Variants in CMIP observed in about 807,000 individuals in gnomAD.
CMIP encodes the protein C-Maf-inducing protein.
CMIP carries 13 observed loss-of-function variants against 97.3 expected under a neutral mutation model. The ratio of observed to expected loss-of-function variants is 0.13; its 90% confidence interval spans 0.09 to 0.21. The LOEUF (loss-of-function observed/expected upper bound fraction) is 0.21. CMIP is among the 10% of genes least tolerant of loss of function. The pLI, the probability that CMIP is intolerant of heterozygous loss-of-function variation, is 1.00. For synonymous variants in CMIP, 538 were observed against 436.3 expected, an observed-to-expected ratio of 1.23 and a Z score of -2.91; for missense variants, 847 against 1,024.9, an observed-to-expected ratio of 0.83 and a Z score of 2.37.
chr16:81,678,222 T>C lies in CMIP; in HGVS notation c.1035-53T>C, dbSNP rs572817667. ...AGGCCTTTAGTCTGATGGGTCATGG[T>C]GCATCATGAACGGTGCCTGTACTCA... On this transcript the variant is annotated intron_variant, in intron 9 of 20. Coordinates refer to ENST00000537098, the MANE Select transcript of CMIP (RefSeq NM_198390.3). The C allele has an allele frequency of 2.9e-6, 4 of 1,365,688 alleles. No homozygotes were observed. The Admixed American group carries it at 8.9e-5, about 31-fold the overall frequency. The allele number at this position is 1,365,688 out of a possible 1,614,324, so 84.6% of individuals were successfully genotyped here. A position where few individuals can be genotyped will look rare whatever the true frequency, so the allele number is the denominator to read the frequency against.
chr16:81,690,113 G>A, intron 10 of CMIP, among the ~76,000 whole-genome samples: 1 of 152,114 alleles, frequency 6.6e-6, no homozygotes, highest in Non-Finnish European at 1.5e-5. Flanking sequence ...TGTTCTTTTG[G>A]CTTAGGATTG....
At chr16:81,664,047 G>A (rs1219007236) in intron 6 of CMIP, among the ~76,000 whole-genome samples, 1 of 152,118 alleles carries the variant, frequency 6.6e-6, no homozygotes, top group Non-Finnish European at 1.5e-5. Context: ...CGGGGGCAGG[G>A]GGTATCTGGG....
chr16:81,514,078 C>T (rs1343385948), intron 1 of CMIP, among the ~76,000 whole-genome samples: 1 of 152,186 alleles, frequency 6.6e-6, no homozygotes, highest in Non-Finnish European at 1.5e-5. Flanking sequence ...TTGTTGATGT[C>T]CAGTGAATCT....
At chr16:81,485,151 G>C (rs182078895) in intron 1 of CMIP, among the ~76,000 whole-genome samples, 1 of 152,222 alleles carries the variant, frequency 6.6e-6, no homozygotes, top group African/African-American at 2.4e-5. Flanking sequence ...GAATAGCTGT[G>C]GAGTATTCTA....
intron 1 of CMIP, among the ~76,000 whole-genome samples, chr16:81,567,664 G>A (rs1022170688): frequency 6.6e-6 from 1 of 152,174 alleles, no homozygotes; most frequent in Admixed American, 6.5e-5. Flanking sequence ...CTCACAGTAT[G>A]CCACGCCGCC....
chr16:81,524,844 A>T (rs1193398730), intron 1 of CMIP, among the ~76,000 whole-genome samples: 1 of 148,470 alleles, frequency 6.7e-6, no homozygotes, highest in Non-Finnish European at 1.5e-5. Context: ...CCCAGGCTGG[A>T]GTGCAGTGTT....
chr16:81,525,148 G>A (rs1450382086), intron 1 of CMIP, among the ~76,000 whole-genome samples: 2 of 148,858 alleles, frequency 1.3e-5, no homozygotes, highest in African/African-American at 5.0e-5. Context: ...TATTTTATTT[G>A]TTTATTTTTT....
At chr16:81,607,471 C>T (rs1171561218) in intron 1 of CMIP, 96 bp from the exon 2 acceptor site, 2 of 1,501,020 alleles carry the variant, frequency 1.3e-6, no homozygotes, top group Admixed American at 1.7e-5. Flanking sequence ...TTGCCTGTCG[C>T]CAGAGGGGCG....
intron 14 of CMIP, chr16:81,698,243 T>C (rs1906983970): frequency 6.6e-6 from 1 of 152,224 alleles, no homozygotes; most frequent in Admixed American, 6.5e-5. Context: ...TTTGCCATTG[T>C]GTGAAGTTGG....
intron 1 of CMIP, among the ~76,000 whole-genome samples, chr16:81,550,266 C>G (rs1049291813): frequency 1.3e-5 from 2 of 152,236 alleles, no homozygotes; most frequent in Non-Finnish European, 2.9e-5. Flanking sequence ...GAGCCTCAGT[C>G]TTCTCATCCG....
In CMIP at chr16:81,614,609, A is replaced by C. The variant is rs1358310976; in HGVS notation, c.427-6267A>C. Among the ~76,000 whole-genome samples, 2 of 152,090 alleles carry C rather than the reference A, an allele frequency of 1.3e-5. No individual in the cohort carries two copies. The highest frequency in any genetic ancestry group is 2.9e-5 in the Non-Finnish European group (2 of 68,022). ...GGGTCCTTAAGCCGTGGTCCATGGT[A>C]GATTCCAAAACTACCTGCACAGTCC... On this transcript the variant is annotated intron_variant, in intron 2 of 20. Transcript: ENST00000537098. The surrounding 1 kb of genome is among the most constrained non-coding windows in gnomAD (Gnocchi z 5.3).
At chr16:81,566,154 T>G (rs774979512) in intron 1 of CMIP, among the ~76,000 whole-genome samples, 1 of 152,186 alleles carries the variant, frequency 6.6e-6, no homozygotes, top group Non-Finnish European at 1.5e-5. Flanking sequence ...TGCTTCAGAT[T>G]GGAGGCTGCC....
intron 1 of CMIP, among the ~76,000 whole-genome samples, chr16:81,529,295 A>G (rs562417861): frequency 2.0e-5 from 3 of 152,154 alleles, no homozygotes; most frequent in Non-Finnish European, 4.4e-5. Context: ...TTGGGGGCAC[A>G]TGGTTTCTCA....
At chr16:81,703,283 T>C in intron 17 of CMIP, among the ~76,000 whole-genome samples, 1 of 152,002 alleles carries the variant, frequency 6.6e-6, no homozygotes, top group East Asian at 1.9e-4. Context: ...TCAGCCTTCA[T>C]TCCGGGCAGC....
intron 3 of CMIP, among the ~76,000 whole-genome samples, chr16:81,640,252 C>A (rs907978481): frequency 6.6e-6 from 1 of 151,638 alleles, no homozygotes; most frequent in Non-Finnish European, 1.5e-5. Flanking sequence ...GTGTTTCTGT[C>A]CCCTGCTGCA....
chr16:81,488,165 T>G (rs994687452), intron 1 of CMIP, among the ~76,000 whole-genome samples: 1 of 152,210 alleles, frequency 6.6e-6, no homozygotes, highest in African/African-American at 2.4e-5. Flanking sequence ...TACATTGTTA[T>G]TATTGTTATG....
intron 1 of CMIP, among the ~76,000 whole-genome samples, chr16:81,455,098 A>T: frequency 6.6e-6 from 1 of 152,172 alleles, no homozygotes; most frequent in East Asian, 1.9e-4. Flanking sequence ...AAACCCATGC[A>T]CCCTGGGGCG....
chr16:81,560,163 A>G (rs1277512060), intron 1 of CMIP, among the ~76,000 whole-genome samples: 4 of 141,270 alleles, frequency 2.8e-5, no homozygotes, highest in Non-Finnish European at 4.6e-5. Flanking sequence ...AAAAAAAAAG[A>G]AAAAGAAAAA....
intron 3 of CMIP, among the ~76,000 whole-genome samples, chr16:81,650,094 G>A (rs565010498): frequency 6.6e-6 from 1 of 152,326 alleles, no homozygotes; most frequent in Admixed American, 6.5e-5. Flanking sequence ...CGTTAATGAA[G>A]TTCAGCCAGT....
Sources: gnomAD v4.1 joint callset for allele counts (sites outside exome capture counted in the v4.1 genomes callset) on GRCh38, gnomAD v4.1.1 for gene constraint, Gnocchi (gnomAD v3.1) non-coding constraint, MANE v1.5 for transcripts, NCBI Gene and HGNC (gene_info 2026-07-23, HGNC 2026-07-21) for gene names.